SEC23A: variants seen among roughly 807,000 people sequenced by gnomAD.
SEC23A encodes the protein SEC23 homolog A, COPII component.
A neutral mutation model predicts 103.7 loss-of-function variants in SEC23A; 56 were observed. The ratio of observed to expected loss-of-function variants is 0.54; its 90% CI spans 0.44 to 0.67. The LOEUF is 0.67. Among genes scored for constraint, SEC23A ranks in the 30% least tolerant of loss-of-function variants. The probability of loss-of-function intolerance (pLI) is 0.00; values close to 1 mark genes in which losing one functional copy is unlikely to be tolerated. For missense variants in SEC23A, 784 were observed against 936.4 expected (o/e 0.84, Z 2.12); for synonymous variants, 281 against 293.0 (o/e 0.96, Z 0.42).
In SEC23A at chr14:39,094,373, T is replaced by TAC. The variant is rs1160995370; in HGVS notation, c.222-1131_222-1130dup. Among the ~76,000 whole-genome samples the TAC allele has an allele frequency of 1.5e-3, 29 of 19,458 alleles. 1 individual carries two copies. The highest frequency in any genetic ancestry group is 6.1e-3 in the South Asian group (3 of 494). The allele number at this position is 19,458 out of a possible 152,430, so 12.8% of individuals were successfully genotyped here. A position where few individuals can be genotyped will look rare whatever the true frequency, so the allele number is the denominator to read the frequency against. Reference sequence around the variant, plus strand: ...ATATATACACATATACATATATATATACACACACACACACACACACACACA... The same window carrying TAC: ...ATATATACACATATACATATATATATACACACACACACACACACACACACACA... On this transcript the variant is annotated intron_variant, in intron 2 of 19. Transcript: ENST00000307712.
At chr14:39,064,500 A>T in intron 11 of SEC23A, 1 of 152,430 alleles carries the variant, frequency 6.6e-6, no homozygotes, top group Non-Finnish European at 1.5e-5. Context: ...GTTTTTTTTT[A>T]GGCACACTGG....
chr14:39,087,410 C>A, intron 5 of SEC23A: 1 of 193,578 alleles, frequency 5.2e-6, no homozygotes, highest in Non-Finnish European at 1.1e-5. Context: ...CTAGTCCCTT[C>A]CCTCATGGAA....
chr14:39,071,801 T>C (rs560341881), intron 9 of SEC23A, among the ~76,000 whole-genome samples: 2 of 152,002 alleles, frequency 1.3e-5, no homozygotes, highest in South Asian at 4.2e-4. Flanking sequence ...GAGGAAGAAG[T>C]TGCAGTGAAC....
In SEC23A at chr14:39,045,170, G is replaced by T. The variant is rs759783800; in HGVS notation, c.1892C>A (p.Pro631Gln). Residue 631 changes from proline (P) to glutamine (Q), a missense_variant, in exon 16 of 20, where the codon CCA becomes CAA. Pro to Gln is a moderately conservative substitution (Grantham distance 76, BLOSUM62 -1). This residue lies in a region of SEC23A where 683 missense variants were observed against 774.2 expected (regional missense o/e 0.88). Transcript: ENST00000307712. ...TTTTTCTGTCCCTCTTACCTCTGGTGGTCCACTAAAAGAATACGCATACAG... is the reference window on the plus strand; with the variant it reads ...TTTTTCTGTCCCTCTTACCTCTGGTTGTCCACTAAAAGAATACGCATACAG... ...PILYAYSFSG[P>Q]PEPVLLDSSS... 1.9e-6 allele frequency: 3 copies of T among 1,612,982 alleles called. No homozygotes were observed. The highest frequency in any genetic ancestry group is 2.5e-6 in the Non-Finnish European group (3 of 1,179,544).
intron 10 of SEC23A, among the ~76,000 whole-genome samples, chr14:39,065,629 AATGCTGATTCTCACCTCT>A (rs1218881744): frequency 6.6e-6 from 1 of 152,244 alleles, no homozygotes; most frequent in African/African-American, 2.4e-5. Flanking sequence ...TCAAACATAC[AATGCTGATTCTCACCTCT>A]ATGCCTCTCC....
intron 7 of SEC23A, among the ~76,000 whole-genome samples, chr14:39,082,903 T>A (rs1002733391): frequency 9.2e-5 from 14 of 152,204 alleles, no homozygotes; most frequent in African/African-American, 3.4e-4. Flanking sequence ...TGAGGAACTG[T>A]TCCAGGATGA....
intron 17 of SEC23A, among the ~76,000 whole-genome samples, chr14:39,041,806 C>G (rs1885656558): frequency 6.8e-6 from 1 of 148,100 alleles, no homozygotes; most frequent in Non-Finnish European, 1.5e-5. Context: ...GAGGCAGAGG[C>G]TGCAGTGAGC....
At chr14:39,064,634 C>G (rs560702753) in intron 11 of SEC23A, 165 of 400,774 alleles carry the variant, frequency 4.1e-4, no homozygotes, top group African/African-American at 2.7e-3. Context: ...CCAATGGGAG[C>G]TGAACTACCT....
intron 2 of SEC23A, among the ~76,000 whole-genome samples, chr14:39,095,326 C>T (rs960875975): frequency 6.7e-6 from 1 of 150,330 alleles, no homozygotes; most frequent in African/African-American, 2.5e-5. Flanking sequence ...GGCGGAGTCT[C>T]GCTCTGTCAC....
At chr14:39,086,799 T>C (rs982032875) in intron 6 of SEC23A, 130 bp downstream of exon 6, 71 of 666,438 alleles carry the variant, frequency 1.1e-4, no homozygotes, top group Non-Finnish European at 1.8e-4. Flanking sequence ...TTAAAAAGTA[T>C]GTTAATACAA....
chr14:39,074,683 TACA>T (rs1191729785), intron 8 of SEC23A, among the ~76,000 whole-genome samples, 153 bp from the exon 9 acceptor site: 1 of 152,246 alleles, frequency 6.6e-6, no homozygotes, highest in Non-Finnish European at 1.5e-5. Context: ...AATAAAATTA[TACA>T]ACAACTTCTG....
chr14:39,041,597 C>T (rs956383850), intron 17 of SEC23A, among the ~76,000 whole-genome samples: 1 of 151,726 alleles, frequency 6.6e-6, no homozygotes, highest in African/African-American at 2.4e-5. Flanking sequence ...AGGTCGGGCG[C>T]GATGGCTCAC....
chr14:39,073,603 CTTTTTTT>C (rs905464578), intron 9 of SEC23A, among the ~76,000 whole-genome samples: 5 of 83,894 alleles, frequency 6.0e-5, no homozygotes, highest in Admixed American at 3.1e-4. Flanking sequence ...TCTGATTCCT[CTTTTTTT>C]TTTTTTTTTT....
At chr14:39,079,701 A>G (rs1174316716) in intron 7 of SEC23A, among the ~76,000 whole-genome samples, 1 of 152,096 alleles carries the variant, frequency 6.6e-6, no homozygotes, top group Non-Finnish European at 1.5e-5. Context: ...GGGTACCTAT[A>G]ATCCCAGCTA....
Position 39,058,708 on chromosome 14 carries a change from GA to G in SEC23A, c.1505+3056del, listed in dbSNP as rs1886340735. Among the ~76,000 whole-genome samples the G allele has an allele frequency of 3.3e-5, 5 of 152,202 alleles. No individual in the cohort carries two copies. The South Asian group carries it at 8.3e-4, about 25-fold the overall frequency. On this transcript the variant is annotated intron_variant, in intron 13 of 19. Transcript: ENST00000307712. ...ATTATCTCAGTGTAGTAAACAGTAA[GA>G]AGCAAAAAAGACTGAGAATGTGTAA...
intron 16 of SEC23A, among the ~76,000 whole-genome samples, chr14:39,043,143 G>T (rs6571888): frequency 2.6e-5 from 4 of 152,012 alleles, no homozygotes; most frequent in Non-Finnish European, 1.5e-5. Context: ...TGTCCAGCTA[G>T]TTTTTTCATT....
intron 5 of SEC23A, chr14:39,090,866 A>G (rs1459537921): frequency 1.6e-5 from 4 of 245,014 alleles, no homozygotes; most frequent in East Asian, 1.3e-4. Flanking sequence ...AGCAGCTGAT[A>G]TAAATGTTGA....
At chr14:39,062,441 C>G (rs1386892145) in intron 12 of SEC23A, among the ~76,000 whole-genome samples, 4 of 152,088 alleles carry the variant, frequency 2.6e-5, no homozygotes, top group East Asian at 1.9e-4. Context: ...CAACTTGTAA[C>G]TAGATAAACA....
chr14:39,051,423 T>C (rs560701155), intron 14 of SEC23A, among the ~76,000 whole-genome samples: 1 of 151,566 alleles, frequency 6.6e-6, no homozygotes, highest in East Asian at 1.9e-4. Flanking sequence ...ATGTGTAGAT[T>C]AGAAGTAAAG....
Sources: allele counts gnomAD v4.1 joint callset (sites outside exome capture counted in the v4.1 genomes callset), GRCh38; gene constraint gnomAD v4.1.1; regional missense constraint gnomAD v4.1.1; transcripts MANE v1.5; gene names NCBI Gene and HGNC (gene_info 2026-07-23, HGNC 2026-07-21).